MECOM: variants seen among roughly 807,000 people sequenced by gnomAD.
MECOM encodes MDS1 and EVI1 complex locus, also known as histone-lysine N-methyltransferase MECOM.
In MECOM, 13 loss-of-function variants were observed where a neutral mutation model predicts 116.3. The ratio of observed to expected loss-of-function variants is 0.11; its 90% confidence interval spans 0.07 to 0.18. The LOEUF (loss-of-function observed/expected upper bound fraction) is 0.18. Among genes scored for constraint, MECOM ranks in the 10% least tolerant of loss-of-function variants. MECOM has a pLI of 1.00. For missense variants in MECOM, 1,299 were observed against 1,509.0 expected, an observed-to-expected ratio of 0.86 and a Z score of 2.31; for synonymous variants, 528 against 535.2, an observed-to-expected ratio of 0.99 and a Z score of 0.19.
At chr3:169,607,500 T>G (rs1768741372) in intron 1 of MECOM, among the ~76,000 whole-genome samples, 1 of 152,278 alleles carries the variant, frequency 6.6e-6, no homozygotes, top group Admixed American at 6.5e-5. Flanking sequence ...TGAAAAAATT[T>G]ATTTTTCTCC....
At chr3:169,413,068 T>C (rs899113184) in intron 1 of MECOM, among the ~76,000 whole-genome samples, 8 of 152,240 alleles carry the variant, frequency 5.3e-5, no homozygotes, top group Non-Finnish European at 1.2e-4. Context: ...CTGGGCAAGA[T>C]GGCCGAATAG....
At chr3:169,386,872 T>G (rs989177770) in intron 1 of MECOM, among the ~76,000 whole-genome samples, 2 of 152,330 alleles carry the variant, frequency 1.3e-5, no homozygotes, top group African/African-American at 4.8e-5. Context: ...GAAAATTATA[T>G]ATCTATTACT....
intron 2 of MECOM, among the ~76,000 whole-genome samples, chr3:169,160,184 A>C (rs1195144526): frequency 6.6e-6 from 1 of 152,166 alleles, no homozygotes; most frequent in Non-Finnish European, 1.5e-5. Flanking sequence ...AGAGCCAGAG[A>C]AGAATAACCA....
intron 1 of MECOM, among the ~76,000 whole-genome samples, chr3:169,662,280 T>G (rs983943586): frequency 6.6e-6 from 1 of 152,152 alleles, no homozygotes; most frequent in Non-Finnish European, 1.5e-5. Flanking sequence ...GGACCCAGGC[T>G]GCACCCAGAC....
intron 2 of MECOM, among the ~76,000 whole-genome samples, chr3:169,248,507 C>A (rs1295523966): frequency 6.6e-6 from 1 of 152,150 alleles, no homozygotes; most frequent in African/African-American, 2.4e-5. Context: ...TCTAGGAATA[C>A]CCTTTTGTTG....
intron 1 of MECOM, among the ~76,000 whole-genome samples, chr3:169,659,997 G>C (rs1422375855): frequency 6.6e-6 from 1 of 152,158 alleles, no homozygotes; most frequent in Admixed American, 6.5e-5. Context: ...GGAGTTACTG[G>C]ATGCAACTCG....
At chr3:169,597,643 A>T (rs1027252886) in intron 1 of MECOM, among the ~76,000 whole-genome samples, 5 of 152,256 alleles carry the variant, frequency 3.3e-5, no homozygotes, top group African/African-American at 1.2e-4. Context: ...TTGCATCAGT[A>T]GTCTTAGACT....
chr3:169,114,931 A>G (rs531047161), intron 8 of MECOM, among the ~76,000 whole-genome samples: 1 of 152,162 alleles, frequency 6.6e-6, no homozygotes, highest in Non-Finnish European at 1.5e-5. Flanking sequence ...CAATATGACC[A>G]GCCCTTATTA....
intron 3 of MECOM, among the ~76,000 whole-genome samples, chr3:169,136,738 A>G (rs141736300): frequency 2.7e-4 from 41 of 152,218 alleles, no homozygotes; most frequent in African/African-American, 9.4e-4. Context: ...TTGAAGTATT[A>G]TGTTTGTATT....
chr3:169,448,288 G>A (rs1165039399), intron 1 of MECOM, among the ~76,000 whole-genome samples: 2 of 152,180 alleles, frequency 1.3e-5, no homozygotes, highest in South Asian at 4.1e-4. Context: ...TTAGGTGCCT[G>A]ACCAGGATTT....
chr3:169,469,970 C>T (rs1426923412), intron 1 of MECOM, among the ~76,000 whole-genome samples: 3 of 152,134 alleles, frequency 2.0e-5, no homozygotes, highest in Admixed American at 2.0e-4. Flanking sequence ...AGCAGCTAGC[C>T]TTCCTAAGAA....
chr3:169,540,277 C>A (rs565000661), intron 1 of MECOM, among the ~76,000 whole-genome samples: 1 of 152,080 alleles, frequency 6.6e-6, no homozygotes, highest in East Asian at 1.9e-4. Context: ...TTTTTTTCTC[C>A]CTTTCCCTCA....
chr3:169,455,098 A>C (rs1344347407), intron 1 of MECOM, among the ~76,000 whole-genome samples: 1 of 152,190 alleles, frequency 6.6e-6, no homozygotes, highest in East Asian at 1.9e-4. Context: ...CAATTACACA[A>C]TCTAAGAAGG....
intron 1 of MECOM, among the ~76,000 whole-genome samples, chr3:169,579,017 T>G (rs904895251): frequency 2.0e-5 from 3 of 152,196 alleles, no homozygotes; most frequent in African/African-American, 7.2e-5. Flanking sequence ...TGCACAACAT[T>G]GTATGTTAAT....
chr3:169,421,184 T>G (rs181616286), intron 1 of MECOM, among the ~76,000 whole-genome samples: 28 of 152,258 alleles, frequency 1.8e-4, no homozygotes, highest in African/African-American at 6.5e-4. Flanking sequence ...AGGTTTCTAG[T>G]TCTTTGAAGG....
chr3:169,264,278 T>C (rs79624766), intron 2 of MECOM, among the ~76,000 whole-genome samples: 6,235 of 152,294 alleles, frequency 0.041, 250 homozygotes, highest in African/African-American at 0.11. Flanking sequence ...TGTTTTTGCC[T>C]TGGCTGATGG....
intron 2 of MECOM, among the ~76,000 whole-genome samples, chr3:169,315,828 GT>G (rs1719645746): frequency 6.6e-6 from 1 of 152,118 alleles, no homozygotes; most frequent in African/African-American, 2.4e-5. Flanking sequence ...CAACATTGGT[GT>G]AATGTCACCA....
chr3:169,656,841 C>A (rs1322789747), intron 1 of MECOM, among the ~76,000 whole-genome samples: 1 of 152,050 alleles, frequency 6.6e-6, no homozygotes, highest in Non-Finnish European at 1.5e-5. Flanking sequence ...TTCAAAAGGA[C>A]TAGAACTTGC....
At chr3:169,475,926 G>T (rs1750302041) in intron 1 of MECOM, among the ~76,000 whole-genome samples, 1 of 152,124 alleles carries the variant, frequency 6.6e-6, no homozygotes, top group Non-Finnish European at 1.5e-5. Flanking sequence ...ATCAGATAAA[G>T]ATAAATAAAA....
Sources: allele counts gnomAD v4.1 joint callset (sites outside exome capture counted in the v4.1 genomes callset), GRCh38; gene constraint gnomAD v4.1.1; transcripts MANE v1.5; gene names NCBI Gene and HGNC (gene_info 2026-07-23, HGNC 2026-07-21).